PCBP4: variants seen among roughly 807,000 people sequenced by gnomAD.
PCBP4 encodes poly(rC) binding protein 4.
In PCBP4, 24 loss-of-function variants were observed where a neutral mutation model predicts 46.2. The observed-to-expected ratio is 0.52, with a 90% CI of 0.38 to 0.73. The LOEUF is 0.73. PCBP4 is among the 30% of genes least tolerant of loss of function. The probability of loss-of-function intolerance (pLI) is 0.00; values close to 1 mark genes in which losing one functional copy is unlikely to be tolerated. For missense variants in PCBP4, 407 were observed against 537.0 expected (o/e 0.76, Z 2.39); for synonymous variants, 203 against 224.4 (o/e 0.90, Z 0.85).
chr3:51,964,371 C>T (rs1221249864), intron 1 of PCBP4, among the ~76,000 whole-genome samples: 8 of 152,206 alleles, frequency 5.3e-5, no homozygotes, highest in South Asian at 4.1e-4. Context: ...AAGAACAATC[C>T]GGGGGAGGGG....
At position 51,958,881 on chromosome 3, in the gene PCBP4, C is replaced by T. The variant is rs768354787; in HGVS notation, c.832G>A (p.Gly278Arg). Reference protein sequence around the residue: ...RQMSGAHIKIGNQAEGAGERH... With the variant: ...RQMSGAHIKIRNQAEGAGERH... ...TCCCCAGCGCCCTCTGCTTGGTTCC[C>T]GATCTTGATATGTGCCCCTGACATC... The change falls in exon 13 of 14, where the codon GGG (glycine) becomes AGG (arginine). Residue 278 changes from glycine to arginine, a missense_variant. Coordinates refer to ENST00000461554, the MANE Select transcript of PCBP4 (RefSeq NM_001174100.2). The surrounding 1 kb of genome is among the most constrained non-coding windows in gnomAD (Gnocchi z 5.4). 9 of 1,613,948 alleles carry T rather than the reference C, an allele frequency of 5.6e-6. No individual in the cohort carries two copies. The highest frequency in any genetic ancestry group is 4.5e-5 in the East Asian group (2 of 44,856).
rs537327402 is a variant in PCBP4, at chr3:51,964,469, C to T, written c.-212-2381G>A. ...CTGCTGGCCAGAATGTCTGGACCAG[C>T]TAGGGCCTGTGGACCCACCTGGGCT... On this transcript the variant is annotated intron_variant, in intron 1 of 13. Transcript: ENST00000461554. Among the ~76,000 whole-genome samples, 14 of 152,278 alleles carry T rather than the reference C, an allele frequency of 9.2e-5. 1 individual carries two copies. The South Asian group carries it at 2.9e-3, about 32-fold the overall frequency.
At position 51,958,766 on chromosome 3, in the gene PCBP4, C is replaced by T. The variant is rs750661659; in HGVS notation, c.923+24G>A. 3.8e-6 allele frequency: 6 copies of T among 1,599,402 alleles called. No individual in the cohort carries two copies. The highest frequency in any genetic ancestry group is 2.7e-5 in the African/African-American group (2 of 74,636). ...ACATGAGAACCGTGACCTGCTCCCCCACTGCCGCCCAGCCCGCGCTCACCA... is the reference window on the plus strand; with the variant it reads ...ACATGAGAACCGTGACCTGCTCCCCTACTGCCGCCCAGCCCGCGCTCACCA... On this transcript the variant is annotated intron_variant, in intron 13 of 13. Transcript: ENST00000461554. The surrounding 1 kb of genome is among the most constrained non-coding windows in gnomAD (Gnocchi z 5.4).
chr3:51,966,407 G>A (rs569279481), intron 1 of PCBP4, among the ~76,000 whole-genome samples: 6 of 152,264 alleles, frequency 3.9e-5, no homozygotes, highest in Non-Finnish European at 7.4e-5. Context: ...GAAGACCAGG[G>A]GATTTTTTCA....
chr3:51,963,099 T>G (rs533801230), intron 1 of PCBP4: 28 of 152,314 alleles, frequency 1.8e-4, no homozygotes, highest in African/African-American at 6.7e-4. Flanking sequence ...TCTCCTTATG[T>G]CCCCAGGGCT....
Position 51,958,693 on chromosome 3 carries a change from CAGAG to C in PCBP4, c.923+93_923+96del, listed in dbSNP as rs1290239018. 1 of 1,394,986 alleles carries C rather than the reference CAGAG, an allele frequency of 7.2e-7. No homozygotes were observed. Among genetic ancestry groups the C allele is most frequent in the Non-Finnish European group, 9.8e-7 (1 of 1,024,328 alleles). 86.4% of individuals were successfully genotyped at this position (1,394,986 alleles called of 1,614,324 possible). On this transcript the variant is annotated intron_variant, in intron 13 of 13. Transcript: ENST00000461554. The surrounding 1 kb of genome is among the most constrained non-coding windows in gnomAD (Gnocchi z 5.4). ...AGGAGAGGCAGAGGTCGGGCCCAGA[CAGAG>C]AGAGGAGGCCAGCTTCCTCTCCCCA...
In PCBP4 at chr3:51,958,861, A is replaced by G; in HGVS notation, c.852T>C (p.Ala284=). The part of the protein sequence containing the change: ...HIKIGNQAEG[A]GERHVTITGS... ...CAGTGATGGTGACATGCCGCTCCCC[A>G]GCGCCCTCTGCTTGGTTCCCGATCT... The change falls in exon 13 of 14, where the codon GCT becomes GCC. Residue 284 remains alanine, a synonymous_variant. Transcript: ENST00000461554. The surrounding 1 kb of genome is among the most constrained non-coding windows in gnomAD (Gnocchi z 5.4). The G allele has an allele frequency of 2.5e-6, 4 of 1,613,934 alleles. No homozygotes were observed. Among genetic ancestry groups the G allele is most frequent in the Non-Finnish European group, 3.4e-6 (4 of 1,179,936 alleles).
At chr3:51,963,742 G>A (rs1296603606) in intron 1 of PCBP4, among the ~76,000 whole-genome samples, 1 of 152,226 alleles carries the variant, frequency 6.6e-6, no homozygotes, top group Non-Finnish European at 1.5e-5. Context: ...TTGTGTTTAG[G>A]GGCTGGGGGT....
rs1699939868 is a variant in PCBP4 at position 51,958,465 on chromosome 3, GAAC to G, written c.924-119_924-117del. 3.7e-5 allele frequency: 27 copies of G among 725,834 alleles called. No homozygotes were observed. The East Asian group carries it at 7.3e-4, about 20-fold the overall frequency. The allele number at this position is 725,834 out of a possible 1,614,324, so 45.0% of individuals were successfully genotyped here. ...AGGCAAGAGAGAGGTAGTGAACAGA[GAAC>G]AATAAGGGGAAGATGGGAAAGGTGG... On this transcript the variant is annotated intron_variant, in intron 13 of 13. Coordinates refer to ENST00000461554, the MANE Select transcript of PCBP4 (RefSeq NM_001174100.2). This position sits in a 1 kb window ranked among gnomAD's most constrained non-coding sequence, Gnocchi z 5.4.
rs376616465 is a variant in PCBP4, at chr3:51,958,519, A to T, written c.924-170T>A. Among the ~76,000 whole-genome samples, 2 of 151,506 alleles carry T rather than the reference A, an allele frequency of 1.3e-5. No homozygotes were observed. The highest frequency in any genetic ancestry group is 4.9e-5 in the African/African-American group (2 of 41,160). ...AAGAGGAAGGGAAGAAAGGACAAGC[A>T]GATATAGCACGAGGTGCAGGGAGAA... On this transcript the variant is annotated intron_variant, in intron 13 of 13. Coordinates refer to ENST00000461554, the MANE Select transcript of PCBP4 (RefSeq NM_001174100.2). The surrounding 1 kb of genome is among the most constrained non-coding windows in gnomAD (Gnocchi z 5.4).
chr3:51,958,674 G>A lies in PCBP4; in HGVS notation c.923+116C>T. ...GGGGAATTGGAGTAGGGTTAGGAGA[G>A]GCAGAGGTCGGGCCCAGACAGAGAG... On this transcript the variant is annotated intron_variant, in intron 13 of 13. Transcript: ENST00000461554. This position sits in a 1 kb window ranked among gnomAD's most constrained non-coding sequence, Gnocchi z 5.4. 2.5e-6 allele frequency: 3 copies of A among 1,180,404 alleles called. No homozygotes were observed. Among genetic ancestry groups the A allele is most frequent in the Middle Eastern group, 2.7e-4 (1 of 3,734 alleles). 73.1% of individuals were successfully genotyped at this position (1,180,404 alleles called of 1,614,324 possible).
At position 51,958,278 on chromosome 3, in the gene PCBP4, G is replaced by A. The variant is rs375579196; in HGVS notation, c.995C>T (p.Ser332Leu). ...SAPADLPAPF[S>L]PPLTALPTAP... ...TGTGGGCAGGGCCGTCAGGGGTGGC[G>A]AGAAGGGGGCAGGCAGGTCTGCGGG... Residue 332 changes from serine to leucine, a missense_variant, in exon 14 of 14, where the codon TCG becomes TTG. Transcript: ENST00000461554. The surrounding 1 kb of genome is among the most constrained non-coding windows in gnomAD (Gnocchi z 5.4). 5.1e-6 allele frequency: 8 copies of A among 1,575,422 alleles called. No individual in the cohort carries two copies. The highest frequency in any genetic ancestry group is 3.4e-4 in the Middle Eastern group (2 of 5,894).
chr3:51,959,070 G>T lies in PCBP4; in HGVS notation c.730C>A (p.Gln244Lys). ...ACATCGTTGGGAACCAAGAACTCCT[G>T]TGAGCTGGTCTGTGTGCCGGGATCC... ...GLDPGTQTSS[Q>K]EFLVPNDLIG... Residue 244 changes from glutamine (Q) to lysine (K), a missense_variant, in exon 12 of 14, where the codon CAG becomes AAG. Gln to Lys is a moderately conservative substitution (Grantham distance 53, BLOSUM62 1). Transcript: ENST00000461554. This position sits in a 1 kb window ranked among gnomAD's most constrained non-coding sequence, Gnocchi z 5.6. The T allele has an allele frequency of 6.2e-7, 1 of 1,613,952 alleles. No homozygotes were observed. The highest frequency in any genetic ancestry group is 8.5e-7 in the Non-Finnish European group (1 of 1,179,960).
chr3:51,964,818 T>C (rs1266768654), intron 1 of PCBP4, among the ~76,000 whole-genome samples: 5 of 152,134 alleles, frequency 3.3e-5, no homozygotes, highest in Non-Finnish European at 7.4e-5. Flanking sequence ...CCTCCCGGGA[T>C]AGCCAATCAT....
Position 51,958,889 on chromosome 3 carries a change from A to G in PCBP4, c.824T>C (p.Ile275Thr). ...GCCCTCTGCTTGGTTCCCGATCTTG[A>G]TATGTGCCCCTGACATCTGCCGGAT... ...SEIRQMSGAH[I>T]KIGNQAEGAG... is the part of the protein sequence containing the mutation. The change falls in exon 13 of 14, where the codon ATC becomes ACC. Residue 275 changes from isoleucine to threonine, a missense_variant. Coordinates refer to ENST00000461554, the MANE Select transcript of PCBP4 (RefSeq NM_001174100.2). This position sits in a 1 kb window ranked among gnomAD's most constrained non-coding sequence, Gnocchi z 5.4. The G allele has an allele frequency of 6.2e-7, 1 of 1,613,808 alleles. No individual in the cohort carries two copies. The highest frequency in any genetic ancestry group is 8.5e-7 in the Non-Finnish European group (1 of 1,179,940).
At chr3:51,961,663 A>T in intron 2 of PCBP4, 1 of 673,422 alleles carries the variant, frequency 1.5e-6, no homozygotes, top group Non-Finnish European at 1.9e-6. Context: ...TATGGGAGTC[A>T]GGAGGAGAGC....
chr3:51,958,810 G>A lies in PCBP4; in HGVS notation c.903C>T (p.Ala301=), dbSNP rs1699976378. The change falls in exon 13 of 14, where the codon GCC becomes GCT. Residue 301 remains alanine, a synonymous_variant. Transcript: ENST00000461554. This position sits in a 1 kb window ranked among gnomAD's most constrained non-coding sequence, Gnocchi z 5.4. ...ITGSPVSIAL[A]QYLITACLET... ...CTCACCAGGCAGTGATGAGGTACTGGGCCAGGGCGATGGAGACCGGAGAGC... is the reference window on the plus strand; with the variant it reads ...CTCACCAGGCAGTGATGAGGTACTGAGCCAGGGCGATGGAGACCGGAGAGC... 1 of 1,613,602 alleles carries A rather than the reference G, an allele frequency of 6.2e-7. No individual in the cohort carries two copies. Among genetic ancestry groups the A allele is most frequent in the East Asian group, 2.2e-5 (1 of 44,838 alleles).
Position 51,961,185 on chromosome 3 carries a change from G to C in PCBP4, c.56C>G (p.Thr19Arg). Residue 19 changes from threonine (T) to arginine (R), a missense_variant, in exon 3 of 14, where the codon ACG becomes AGG. Coordinates refer to ENST00000461554, the MANE Select transcript of PCBP4 (RefSeq NM_001174100.2). ...EEEPELSITL[T>R]LRMLMHGKEV... ...CTTCCCGTGCATCAGCATCCGCAGC[G>C]TGAGGGTGATGCTGAGCTCTGGCTC... The C allele has an allele frequency of 6.2e-7, 1 of 1,613,600 alleles. No individual in the cohort carries two copies. Among genetic ancestry groups the C allele is most frequent in the Non-Finnish European group, 8.5e-7 (1 of 1,180,022 alleles).
rs767256150 is a variant in PCBP4 at position 51,958,134 on chromosome 3, G to T, written c.1139C>A (p.Ala380Glu). The T allele has an allele frequency of 6.2e-7, 1 of 1,609,842 alleles. No homozygotes were observed. Among genetic ancestry groups the T allele is most frequent in the Non-Finnish European group, 8.5e-7 (1 of 1,178,092 alleles). ...PASPGPPPGL[A>E]AYTAKMAAAN... ...TGCTGCCATCTTGGCAGTGTAGGCC[G>T]CCAAGCCCGGCGGCGGCCCTGGGGA... The change falls in exon 14 of 14, where the codon GCG becomes GAG. Residue 380 changes from alanine (A) to glutamate (E), a missense_variant. Transcript: ENST00000461554. This position sits in a 1 kb window ranked among gnomAD's most constrained non-coding sequence, Gnocchi z 5.4.
Sources: gnomAD v4.1 joint callset for allele counts (sites outside exome capture counted in the v4.1 genomes callset) on GRCh38, gnomAD v4.1.1 for gene constraint, Gnocchi (gnomAD v3.1) non-coding constraint, MANE v1.5 for transcripts, NCBI Gene and HGNC (gene_info 2026-07-23, HGNC 2026-07-21) for gene names.